NCOA2: variants seen among roughly 807,000 people sequenced by gnomAD.
The protein encoded by NCOA2 is class E basic helix-loop-helix protein 75.
NCOA2 carries 21 observed loss-of-function variants against 145.1 expected under a neutral mutation model. The ratio of observed to expected loss-of-function variants is 0.14; its 90% CI spans 0.10 to 0.21. The LOEUF (loss-of-function observed/expected upper bound fraction) is 0.21, where lower values mean the gene tolerates loss of function less well. NCOA2 is among the 10% of genes least tolerant of loss of function. The pLI is 1.00. For missense variants in NCOA2, 1,472 were observed against 1,837.6 expected, an observed-to-expected ratio of 0.80 and a Z score of 3.64; for synonymous variants, 619 against 637.5, an observed-to-expected ratio of 0.97 and a Z score of 0.44.
chr8:70,403,622 G>A (rs1310416867), intron 1 of NCOA2, 78 bp downstream of exon 1: 2 of 268,374 alleles, frequency 7.5e-6, no homozygotes, highest in Non-Finnish European at 1.2e-5. Flanking sequence ...AGTCGCGGCC[G>A]GGGGTGGGGA....
At chr8:70,291,017 T>C (rs943445381) in intron 2 of NCOA2, among the ~76,000 whole-genome samples, 4 of 152,178 alleles carry the variant, frequency 2.6e-5, no homozygotes, top group Non-Finnish European at 4.4e-5. Context: ...ATGCCAAGTA[T>C]TTCAAAAGTT....
intron 2 of NCOA2, among the ~76,000 whole-genome samples, chr8:70,238,518 G>A (rs1821852161): frequency 6.6e-6 from 1 of 152,114 alleles, no homozygotes; most frequent in Non-Finnish European, 1.5e-5. Flanking sequence ...GCCATGCTCT[G>A]CACAATTCTT....
chr8:70,190,395 T>C (rs764713741), intron 4 of NCOA2, among the ~76,000 whole-genome samples: 1 of 152,232 alleles, frequency 6.6e-6, no homozygotes, highest in Non-Finnish European at 1.5e-5. Context: ...GGAATGGAAC[T>C]AAATAAAACT....
At chr8:70,122,912 T>C (rs1252220755) in intron 21 of NCOA2, among the ~76,000 whole-genome samples, 3 of 152,232 alleles carry the variant, frequency 2.0e-5, no homozygotes, top group Non-Finnish European at 2.9e-5. Flanking sequence ...TACTGCACTT[T>C]CTCCTTATAT....
the NCOA2 span, among the ~76,000 whole-genome samples, chr8:70,450,573 C>CTTTTT: frequency 4.0e-4 from 38 of 94,624 alleles, 3 homozygotes; most frequent in Non-Finnish European, 4.7e-4. Flanking sequence ...TCTTTTTATT[C>CTTTTT]TTTTTTTTTT....
At chr8:70,237,306 G>A (rs971212146) in intron 2 of NCOA2, among the ~76,000 whole-genome samples, 9 of 152,120 alleles carry the variant, frequency 5.9e-5, no homozygotes, top group Non-Finnish European at 1.0e-4. Context: ...CGCGCTGTCT[G>A]ACTCTAAGCC....
In NCOA2 at chr8:70,123,890, G is replaced by A. The variant is rs781256206; in HGVS notation, c.4287C>T (p.Pro1429=). 22 of 1,610,712 alleles carry A rather than the reference G, an allele frequency of 1.4e-5. No individual in the cohort carries two copies. The highest frequency in any genetic ancestry group is 1.7e-4 in the Middle Eastern group (1 of 6,040). ...CTTCTCCTTGGGCACTCACCTGCTC[G>A]GGACCCATGGAGGACAGCCCTGACG... is the stretch of plus-strand genomic sequence containing the variant. The part of the protein sequence containing the change: ...VPTSGLSSMG[P]EQVNDPALRG... The change falls in exon 21 of 23, where the codon CCC becomes CCT. Residue 1429 remains proline (P), a synonymous_variant. Transcript: ENST00000452400.
rs1806442299 is a variant in NCOA2 at position 70,110,441 on chromosome 8, G to A, written c.*3191C>T. 5.1e-6 allele frequency: 1 copy of A among 195,978 alleles called. No homozygotes were observed. The highest frequency in any genetic ancestry group is 2.3e-5 in the African/African-American group (1 of 43,290). 12.1% of individuals were successfully genotyped at this position (195,978 alleles called of 1,614,324 possible). A position where few individuals can be genotyped will look rare whatever the true frequency, so the allele number is the denominator to read the frequency against. On this transcript the variant is annotated 3_prime_UTR_variant, in exon 23 of 23. Transcript: ENST00000452400. ...CTTTAGTCTATAAAGAAACACCAGG[G>A]AGAAAATTCTAATTAAAATCGAAGC...
intron 4 of NCOA2, among the ~76,000 whole-genome samples, chr8:70,189,985 T>C (rs910288230): frequency 3.3e-5 from 5 of 152,200 alleles, no homozygotes; most frequent in Non-Finnish European, 7.3e-5. Context: ...CATCAGAGAA[T>C]GAACATAGCA....
intron 1 of NCOA2, among the ~76,000 whole-genome samples, chr8:70,366,182 A>G (rs1810671062): frequency 6.6e-6 from 1 of 152,178 alleles, no homozygotes; most frequent in African/African-American, 2.4e-5. Flanking sequence ...CAAAGATCCC[A>G]CGAGAGCCCT....
intron 2 of NCOA2, chr8:70,273,903 T>G: frequency 2.1e-6 from 1 of 485,064 alleles, no homozygotes; most frequent in Admixed American, 2.4e-5. Context: ...TACTGGGAGC[T>G]GCTATTTTAT....
intron 1 of NCOA2, among the ~76,000 whole-genome samples, chr8:70,350,014 G>A (rs567383079): frequency 7.3e-4 from 111 of 152,002 alleles, no homozygotes; most frequent in African/African-American, 2.4e-3. Context: ...TTCCTCCTTA[G>A]TATTAAAAGC....
At chr8:70,211,457 A>G (rs1476269788) in intron 4 of NCOA2, among the ~76,000 whole-genome samples, 3 of 151,718 alleles carry the variant, frequency 2.0e-5, no homozygotes, top group South Asian at 4.2e-4. Context: ...AGACTCCAAA[A>G]AAAAAAAGAA....
chr8:70,303,642 G>A (rs946126372), intron 1 of NCOA2, among the ~76,000 whole-genome samples: 1 of 152,168 alleles, frequency 6.6e-6, no homozygotes, highest in Admixed American at 6.5e-5. Context: ...ACTGTGAGCT[G>A]TTTGAGGGCA....
At chr8:70,314,180 CAAAAAAAAAAAAAA>C (rs61028027) in intron 1 of NCOA2, among the ~76,000 whole-genome samples, 6 of 17,204 alleles carry the variant, frequency 3.5e-4, no homozygotes, top group East Asian at 4.1e-3. Flanking sequence ...ACTCTGACTC[CAAAAAAAAAAAAAA>C]AAAAAAAAAA....
chr8:70,215,750 T>C (rs1489630182), intron 3 of NCOA2, among the ~76,000 whole-genome samples: 1 of 152,262 alleles, frequency 6.6e-6, no homozygotes, highest in East Asian at 1.9e-4. Context: ...CTACTTTTGG[T>C]AACTATTTGC....
At chr8:70,451,552 C>A in the NCOA2 span, among the ~76,000 whole-genome samples, 12 of 151,766 alleles carry the variant, frequency 7.9e-5, no homozygotes, top group Non-Finnish European at 1.6e-4. Context: ...TCAATCTTGA[C>A]CTTAAAGTTG....
chr8:70,210,660 A>G (rs1198612258), intron 4 of NCOA2, among the ~76,000 whole-genome samples: 1 of 152,188 alleles, frequency 6.6e-6, no homozygotes, highest in Non-Finnish European at 1.5e-5. Flanking sequence ...TTATTTATAA[A>G]GCATATAAAA....
chr8:70,313,673 C>A (rs1417365398), intron 1 of NCOA2, among the ~76,000 whole-genome samples: 5 of 152,110 alleles, frequency 3.3e-5, no homozygotes, highest in Non-Finnish European at 7.4e-5. Flanking sequence ...TATATATTTA[C>A]TTTTAAGGTA....
Sources: gnomAD v4.1 joint callset for allele counts (sites outside exome capture counted in the v4.1 genomes callset) on GRCh38, gnomAD v4.1.1 for gene constraint, MANE v1.5 for transcripts, NCBI Gene and HGNC (gene_info 2026-07-23, HGNC 2026-07-21) for gene names.